The following ARHGAP18 variants were observed in gnomAD, a reference collection of about 807,000 sequenced individuals.
ARHGAP18 encodes the protein Rho GTPase activating protein 18.
Under a neutral mutation model 86.2 loss-of-function variants are expected in ARHGAP18, and 67 were observed. The observed-to-expected ratio is 0.78, with a 90% CI of 0.64 to 0.95. The LOEUF (loss-of-function observed/expected upper bound fraction) is 0.95. Among genes scored for constraint, ARHGAP18 ranks in the 40% least tolerant of loss-of-function variants. ARHGAP18 has a pLI of 0.00. For missense variants in ARHGAP18, 691 were observed against 780.4 expected (o/e 0.89, Z 1.37); for synonymous variants, 283 against 280.4 (o/e 1.01, Z -0.09).
chr6:129,638,555 G>A lies in ARHGAP18; in HGVS notation c.391C>T (p.Gln131Ter). 1.9e-6 allele frequency: 3 copies of A among 1,614,142 alleles called. No individual in the cohort carries two copies. Among genetic ancestry groups the A allele is most frequent in the Non-Finnish European group, 2.5e-6 (3 of 1,180,026 alleles). ...NLFGESAGDPQESIVFLSTLT... is the reference protein window; with the variant it reads ...NLFGESAGDP Reference sequence around the variant, plus strand: ...GTTGATAAAAACACAATGCTTTCCTGTGGATCTCCAGCAGACTCTCCGAAG... The same window carrying A: ...GTTGATAAAAACACAATGCTTTCCTATGGATCTCCAGCAGACTCTCCGAAG... Residue 131 changes from glutamine (Q) to a stop codon, truncating the protein, a stop_gained, in exon 3 of 15, where the codon CAG becomes TAG. Coordinates refer to ENST00000368149, the MANE Select transcript of ARHGAP18 (RefSeq NM_033515.3). LOFTEE classifies it high-confidence loss of function.
intron 1 of ARHGAP18, among the ~76,000 whole-genome samples, chr6:129,664,410 GT>G (rs922134173): frequency 3.1e-4 from 46 of 146,608 alleles, no homozygotes; most frequent in Non-Finnish European, 4.7e-4. Context: ...GCTACTTAAG[GT>G]TTTTTTTTTT....
At chr6:129,708,131 C>T (rs2114562380) in intron 1 of ARHGAP18, among the ~76,000 whole-genome samples, 1 of 152,276 alleles carries the variant, frequency 6.6e-6, no homozygotes, top group Middle Eastern at 3.4e-3. Context: ...GATTCGTTAG[C>T]CCTTAAGGGT....
intron 1 of ARHGAP18, among the ~76,000 whole-genome samples, chr6:129,687,939 C>A (rs1774458978): frequency 6.6e-6 from 1 of 152,196 alleles, no homozygotes; most frequent in Non-Finnish European, 1.5e-5. Context: ...GCCATCTCGT[C>A]ATCGAGAGCT....
intron 1 of ARHGAP18, among the ~76,000 whole-genome samples, chr6:129,707,540 C>T (rs1449002410): frequency 6.6e-6 from 1 of 152,060 alleles, no homozygotes; most frequent in African/African-American, 2.4e-5. Context: ...GTGATCTCAG[C>T]TCACTGCAAT....
At chr6:129,705,046 A>G (rs1479153501) in intron 1 of ARHGAP18, among the ~76,000 whole-genome samples, 2 of 152,114 alleles carry the variant, frequency 1.3e-5, no homozygotes, top group Non-Finnish European at 2.9e-5. Context: ...TTGCCCCCAG[A>G]TATTTTGGGG....
At chr6:129,673,734 C>A (rs1026974595) in intron 1 of ARHGAP18, among the ~76,000 whole-genome samples, 2 of 152,146 alleles carry the variant, frequency 1.3e-5, no homozygotes, top group African/African-American at 4.8e-5. Flanking sequence ...GCAGAAAAGA[C>A]CACAGTCAAA....
chr6:129,702,886 G>T (rs1454505942), intron 1 of ARHGAP18, among the ~76,000 whole-genome samples: 1 of 152,218 alleles, frequency 6.6e-6, no homozygotes, highest in Non-Finnish European at 1.5e-5. Context: ...TGTAATCCCA[G>T]CTACTGGGGA....
intron 8 of ARHGAP18, 92 bp downstream of exon 8, chr6:129,611,441 G>T: frequency 1.9e-6 from 2 of 1,052,068 alleles, no homozygotes; most frequent in Non-Finnish European, 1.4e-6. Flanking sequence ...ACTAACAATG[G>T]AAAAAAGGGG....
intron 4 of ARHGAP18, among the ~76,000 whole-genome samples, chr6:129,632,143 C>A (rs1186608240): frequency 6.6e-6 from 1 of 152,158 alleles, no homozygotes; most frequent in Non-Finnish European, 1.5e-5. Context: ...GCATTTCATC[C>A]TGAACTTTCC....
Position 129,600,753 on chromosome 6 carries a change from A to G in ARHGAP18, c.1461T>C (p.Phe487=). ...NVAMVMAPNL[F]MCHALGLKSS... ...ACTTCAATCCCAATGCATGACACAT[A>G]AAGAGATTCGGGGCCATGACCATTG... Residue 487 remains phenylalanine, a synonymous_variant, in exon 11 of 15, where the codon TTT becomes TTC. Transcript: ENST00000368149. 1 of 1,613,784 alleles carries G rather than the reference A, an allele frequency of 6.2e-7. No homozygotes were observed. The highest frequency in any genetic ancestry group is 8.5e-7 in the Non-Finnish European group (1 of 1,179,818).
Position 129,638,535 on chromosome 6 carries a change from T to C in ARHGAP18, c.411A>G (p.Leu137=). ...CTGCCTGGGTCCGCGTCAATGTTGA[T>C]AAAAACACAATGCTTTCCTGTGGAT... The part of the protein sequence containing the change: ...AGDPQESIVF[L]STLTRTQAAA... The change falls in exon 3 of 15, where the codon TTA becomes TTG. Residue 137 remains leucine (L), a synonymous_variant. Transcript: ENST00000368149. 1 of 1,614,172 alleles carries C rather than the reference T, an allele frequency of 6.2e-7. No homozygotes were observed. Among genetic ancestry groups the C allele is most frequent in the South Asian group, 1.1e-5 (1 of 91,074 alleles).
intron 8 of ARHGAP18, among the ~76,000 whole-genome samples, chr6:129,609,971 C>G (rs947401623): frequency 1.3e-5 from 2 of 151,236 alleles, no homozygotes; most frequent in Non-Finnish European, 2.9e-5. Context: ...CAGGCCAGGA[C>G]AGTGTGCACT....
chr6:129,693,994 C>T (rs1356235289), intron 1 of ARHGAP18, among the ~76,000 whole-genome samples: 1 of 152,172 alleles, frequency 6.6e-6, no homozygotes, highest in Non-Finnish European at 1.5e-5. Flanking sequence ...TTTACTACTT[C>T]ATTGTAGTAA....
chr6:129,625,940 T>TATTTATATATTATATATTTATATATTA (rs1789450166), intron 5 of ARHGAP18, among the ~76,000 whole-genome samples: 1 of 81,332 alleles, frequency 1.2e-5, no homozygotes, highest in African/African-American at 4.6e-5. Context: ...ATATTATATA[T>TATTTATATATTATATATTTATATATTA]TATATATTTA....
At chr6:129,676,942 TTTTTTTA>T (rs1774245893) in intron 1 of ARHGAP18, among the ~76,000 whole-genome samples, 1 of 129,662 alleles carries the variant, frequency 7.7e-6, no homozygotes, top group Non-Finnish European at 1.6e-5. Flanking sequence ...TTTTTTTTTT[TTTTTTTA>T]AGGAAGGAAA....
intron 9 of ARHGAP18, among the ~76,000 whole-genome samples, chr6:129,606,227 T>C (rs753398041): frequency 4.9e-4 from 74 of 152,194 alleles, no homozygotes; most frequent in Non-Finnish European, 6.3e-4. Context: ...CACACAACAG[T>C]GCTTTGGAAA....
chr6:129,613,804 T>C (rs889107468), intron 7 of ARHGAP18, among the ~76,000 whole-genome samples: 1 of 152,116 alleles, frequency 6.6e-6, no homozygotes, highest in Non-Finnish European at 1.5e-5. Context: ...AAAATAGAGA[T>C]GAAAAATAAC....
At chr6:129,701,774 A>G (rs1361093407) in intron 1 of ARHGAP18, among the ~76,000 whole-genome samples, 1 of 142,510 alleles carries the variant, frequency 7.0e-6, no homozygotes, top group Non-Finnish European at 1.5e-5. Context: ...CATCTCAAAT[A>G]AAAAAAAACA....
chr6:129,678,697 A>G (rs1774275736), intron 1 of ARHGAP18, among the ~76,000 whole-genome samples: 1 of 152,216 alleles, frequency 6.6e-6, no homozygotes, highest in Non-Finnish European at 1.5e-5. Context: ...GATTGAGATT[A>G]ATTTATCTGG....
Sources: allele counts gnomAD v4.1 joint callset (sites outside exome capture counted in the v4.1 genomes callset), GRCh38; gene constraint gnomAD v4.1.1; transcripts MANE v1.5; gene names NCBI Gene and HGNC (gene_info 2026-07-23, HGNC 2026-07-21).